The following DMD variants were observed in gnomAD, a reference collection of about 807,000 sequenced individuals.
DMD encodes the protein dystrophin.
Under a neutral mutation model 330.1 loss-of-function variants are expected in DMD, and 63 were observed. The observed-to-expected ratio is 0.19, with a 90% confidence interval of 0.16 to 0.24. DMD has a LOEUF of 0.24. Ranked by LOEUF, DMD falls within the 10% of genes least tolerant of loss-of-function variation. DMD has a pLI of 1.00. For missense variants in DMD, 3,344 were observed against 2,684.1 expected, an observed-to-expected ratio of 1.25 and a Z score of -5.43; for synonymous variants, 1,223 against 959.8, an observed-to-expected ratio of 1.27 and a Z score of -5.07.
In DMD at chrX:33,240,577, G is replaced by C. The variant is rs374310588; in HGVS notation, c.7+98682C>G. 3.6e-5 allele frequency among the ~76,000 whole-genome samples: 4 copies of C among 112,024 alleles called. No homozygotes were observed. The South Asian group carries it at 1.1e-3, about 31-fold the overall frequency. ...TGATTTCATTTCCTTTCGGTATATA[G>C]CCAGTAGTGGGACTGCTGGATCATA... On this transcript the variant is annotated intron_variant, in intron 1 of 17. Coordinates refer to the DMD transcript ENST00000288447.
intron 1 of DMD, among the ~76,000 whole-genome samples, chrX:33,309,818 A>C (rs1466527279): frequency 1.8e-5 from 2 of 111,023 alleles, no homozygotes; most frequent in Non-Finnish European, 3.8e-5. Flanking sequence ...TTATTACAAA[A>C]TTATAACAAA....
intron 44 of DMD, among the ~76,000 whole-genome samples, chrX:31,972,432 C>G (rs187191101): frequency 1.4e-4 from 15 of 111,010 alleles, no homozygotes; most frequent in African/African-American, 4.6e-4. Flanking sequence ...TAAAACTTTC[C>G]AAAACTGCAT....
chrX:32,107,840 G>A (rs983737974), intron 44 of DMD, among the ~76,000 whole-genome samples: 6 of 110,961 alleles, frequency 5.4e-5, no homozygotes, highest in African/African-American at 1.6e-4. Flanking sequence ...TAACCATTAC[G>A]GGCAGTGTTG....
chrX:32,430,425 G>T (rs1182571140), intron 29 of DMD, among the ~76,000 whole-genome samples: 1 of 111,338 alleles, frequency 9.0e-6, no homozygotes, highest in African/African-American at 3.3e-5. Context: ...ATACAAGAAA[G>T]CTGTATATAA....
At chrX:32,737,866 A>G (rs1045774183) in intron 7 of DMD, among the ~76,000 whole-genome samples, 2 of 111,882 alleles carry the variant, frequency 1.8e-5, no homozygotes, top group Non-Finnish European at 3.8e-5. Context: ...TCATTATCCA[A>G]CAAATTTATT....
intron 56 of DMD, among the ~76,000 whole-genome samples, chrX:31,503,404 T>A (rs1174592027): frequency 2.7e-5 from 3 of 112,218 alleles, no homozygotes; most frequent in African/African-American, 9.7e-5. Context: ...CAAGATTATA[T>A]GCTAAGACAG....
In DMD at chrX:31,119,831, T is replaced by C. The variant is rs1360507431; in HGVS notation, c.*2088A>G. 2 of 111,453 alleles carry C rather than the reference T, an allele frequency of 1.8e-5. No individual in the cohort carries two copies. The highest frequency in any genetic ancestry group is 3.8e-5 in the Non-Finnish European group (2 of 53,013). 9.2% of individuals were successfully genotyped at this position (111,453 alleles called of 1,213,427 possible). A position where few individuals can be genotyped will look rare whatever the true frequency, so the allele number is the denominator to read the frequency against. On this transcript the variant is annotated 3_prime_UTR_variant, in exon 79 of 79. Transcript: ENST00000357033. ...CCAAATCTTCATGTAATTTGGTAAT[T>C]TGTTACCTTAGAGCTTTGGGTTTTC...
At chrX:32,919,567 G>A (rs1262317334) in intron 2 of DMD, among the ~76,000 whole-genome samples, 2 of 111,149 alleles carry the variant, frequency 1.8e-5, no homozygotes, top group East Asian at 2.8e-4. Flanking sequence ...ATTCAGTCCC[G>A]ATTTGTTATA....
At chrX:31,721,058 AATT>A (rs2085431721) in intron 52 of DMD, among the ~76,000 whole-genome samples, 1 of 111,729 alleles carries the variant, frequency 9.0e-6, no homozygotes, top group Admixed American at 9.5e-5. Flanking sequence ...TACAAGTTAC[AATT>A]ACTCTGATAG....
chrX:31,323,686 G>T, intron 61 of DMD, 28 bp from the exon 62 acceptor site: 1 of 1,165,483 alleles, frequency 8.6e-7, no homozygotes. Flanking sequence ...AAAAAAGAAA[G>T]GCAAGGAGGT....
intron 1 of DMD, among the ~76,000 whole-genome samples, chrX:33,314,570 G>GTTTT (rs1170142842): frequency 1.3e-4 from 10 of 79,042 alleles, no homozygotes; most frequent in African/African-American, 1.9e-4. Flanking sequence ...TTTTTTTTTT[G>GTTTT]TTTTTTTTTT....
At chrX:31,395,359 G>A (rs1421630804) in intron 60 of DMD, among the ~76,000 whole-genome samples, 1 of 112,221 alleles carries the variant, frequency 8.9e-6, no homozygotes, top group Non-Finnish European at 1.9e-5. Context: ...TCATTTCTAT[G>A]AGTATCTTTT....
chrX:31,649,534 G>T (rs944321445), intron 54 of DMD, among the ~76,000 whole-genome samples: 1 of 110,849 alleles, frequency 9.0e-6, no homozygotes, highest in African/African-American at 3.3e-5. Flanking sequence ...GGAGCCCCAA[G>T]ATTTCACATC....
At chrX:31,917,054 C>T (rs1051812677) in intron 47 of DMD, among the ~76,000 whole-genome samples, 1 of 111,423 alleles carries the variant, frequency 9.0e-6, no homozygotes, top group Non-Finnish European at 1.9e-5. Context: ...AACTCCTACA[C>T]AGACTCTTGA....
chrX:32,395,946 A>AT (rs1319081856), intron 30 of DMD, among the ~76,000 whole-genome samples: 110 of 109,080 alleles, frequency 1.0e-3, no homozygotes, highest in African/African-American at 3.1e-3. Flanking sequence ...TCTATTTATA[A>AT]TTTTTTTTTT....
At chrX:31,317,637 A>G (rs1423158288) in intron 62 of DMD, among the ~76,000 whole-genome samples, 2 of 105,777 alleles carry the variant, frequency 1.9e-5, no homozygotes, top group Non-Finnish European at 3.9e-5. Flanking sequence ...TCAGCCTCCC[A>G]AGTAGCTGGG....
At chrX:31,228,021 A>G (rs371082254) in intron 63 of DMD, among the ~76,000 whole-genome samples, 13,013 of 99,241 alleles carry the variant, frequency 0.13, 890 homozygotes, top group African/African-American at 0.25. Context: ...AAAACCAAAC[A>G]CCGCATATTC....
At chrX:31,134,283 A>C (rs2147776481) in intron 76 of DMD, 89 bp from the exon 77 acceptor site, 1 of 724,963 alleles carries the variant, frequency 1.4e-6, no homozygotes, top group South Asian at 2.4e-5. Flanking sequence ...ACACCATTAT[A>C]AATTCATTTC....
intron 50 of DMD, among the ~76,000 whole-genome samples, chrX:31,787,547 G>C (rs2091365718): frequency 9.0e-6 from 1 of 111,453 alleles, no homozygotes; most frequent in South Asian, 3.8e-4. Context: ...TATCATCAGA[G>C]TTGCTGTTTC....
Sources: gnomAD v4.1 joint callset for allele counts (sites outside exome capture counted in the v4.1 genomes callset) on GRCh38, gnomAD v4.1.1 for gene constraint, MANE v1.5 for transcripts, NCBI Gene and HGNC (gene_info 2026-07-23, HGNC 2026-07-21) for gene names.